The following C1QTNF7 variants were observed in gnomAD, a reference collection of about 807,000 sequenced individuals.
C1QTNF7 encodes C1q and TNF related 7.
Under a neutral mutation model 19.6 loss-of-function variants are expected in C1QTNF7, and 15 were observed. The observed-to-expected ratio is 0.76, with a 90% CI of 0.51 to 1.18. The LOEUF (loss-of-function observed/expected upper bound fraction) is 1.18. C1QTNF7 is among the 50% of genes most tolerant of loss of function. C1QTNF7 has a pLI of 0.00. For missense variants in C1QTNF7, 324 were observed against 359.7 expected, an observed-to-expected ratio of 0.90 and a Z score of 0.80; for synonymous variants, 142 against 137.5, an observed-to-expected ratio of 1.03 and a Z score of -0.23.
intron 1 of C1QTNF7, among the ~76,000 whole-genome samples, chr4:15,385,220 AACAG>A (rs1718288952): frequency 6.6e-6 from 1 of 152,220 alleles, no homozygotes; most frequent in Non-Finnish European, 1.5e-5. Flanking sequence ...CTGTGATCAA[AACAG>A]ACAAAGTCCC....
Position 15,442,190 on chromosome 4 carries a change from G to T in C1QTNF7, c.261G>T (p.Pro87=), listed in dbSNP as rs144010767. 1 of 1,611,258 alleles carries T rather than the reference G, an allele frequency of 6.2e-7. No homozygotes were observed. Among genetic ancestry groups the T allele is most frequent in the African/African-American group, 1.3e-5 (1 of 74,610 alleles). Residue 87 remains proline (P), a synonymous_variant, in exon 3 of 3, where the codon CCG becomes CCT. Coordinates refer to ENST00000444304, the MANE Select transcript of C1QTNF7 (RefSeq NM_031911.5). ...GTAGLRGKTG[P]LGLAGEKGDQ... ...AAGGTTTGAGAGGTAAGACTGGACC[G>T]CTAGGTCTTGCCGGTGAGAAAGGGG...
At chr4:15,410,767 T>A (rs1021440449) in intron 1 of C1QTNF7, among the ~76,000 whole-genome samples, 4 of 152,218 alleles carry the variant, frequency 2.6e-5, no homozygotes, top group Non-Finnish European at 4.4e-5. Flanking sequence ...GGATTTCACG[T>A]GAATATGCTT....
At chr4:15,426,060 C>T (rs16891938), upstream of C1QTNF7, among the ~76,000 whole-genome samples, 11,389 of 152,078 alleles carry the variant, frequency 0.075, 1,383 homozygotes, top group African/African-American at 0.26. Context: ...GCTAGGTTAG[C>T]GGCAAACTGT....
chr4:15,359,695 C>T (rs1035603568), intron 1 of C1QTNF7, among the ~76,000 whole-genome samples: 3 of 152,068 alleles, frequency 2.0e-5, no homozygotes, highest in Non-Finnish European at 2.9e-5. Flanking sequence ...TTAGCATTGA[C>T]GGGACCTTAG....
chr4:15,404,392 C>T (rs921957058), intron 1 of C1QTNF7, among the ~76,000 whole-genome samples: 3 of 152,180 alleles, frequency 2.0e-5, no homozygotes, highest in Admixed American at 1.3e-4. Context: ...TCACTTAATC[C>T]TTCTCAGTCC....
chr4:15,397,716 T>C (rs11943223), intron 1 of C1QTNF7, among the ~76,000 whole-genome samples: 54,491 of 152,074 alleles, frequency 0.36, 10,049 homozygotes, highest in East Asian at 0.55. Flanking sequence ...CACTTATGAA[T>C]GTGCTTTCTG....
intron 1 of C1QTNF7, among the ~76,000 whole-genome samples, chr4:15,415,641 G>C (rs1235239068): frequency 8.1e-6 from 1 of 124,184 alleles, no homozygotes; most frequent in African/African-American, 3.0e-5. Context: ...ATATATATTA[G>C]AGATGGGTTC....
intron 1 of C1QTNF7, among the ~76,000 whole-genome samples, chr4:15,350,293 GGAAGGAAA>G (rs1389089742): frequency 1.2e-4 from 1 of 8,270 alleles, no homozygotes; most frequent in Non-Finnish European, 3.3e-4. Context: ...AAGGGAAGAA[GGAAGGAAA>G]GGAGGGAAGG....
intron 2 of C1QTNF7, among the ~76,000 whole-genome samples, chr4:15,437,618 G>A (rs544492752): frequency 6.6e-6 from 1 of 152,222 alleles, no homozygotes; most frequent in South Asian, 2.1e-4. Context: ...AACCATATAT[G>A]AGGCTAACTA....
At chr4:15,422,483 C>T (rs913088769) in intron 1 of C1QTNF7, among the ~76,000 whole-genome samples, 2 of 152,192 alleles carry the variant, frequency 1.3e-5, no homozygotes, top group Admixed American at 6.5e-5. Flanking sequence ...TCTACCCTAA[C>T]CTAACATTAT....
chr4:15,439,817 T>A (rs553611891), intron 2 of C1QTNF7, among the ~76,000 whole-genome samples: 1 of 152,210 alleles, frequency 6.6e-6, no homozygotes, highest in South Asian at 2.1e-4. Context: ...TTGAATGATA[T>A]CTTTCGATGG....
At chr4:15,346,156 C>T (rs377195478) in intron 1 of C1QTNF7, among the ~76,000 whole-genome samples, 39 of 152,204 alleles carry the variant, frequency 2.6e-4, no homozygotes, top group Non-Finnish European at 1.5e-4. Flanking sequence ...GATATAGTAA[C>T]GAACCCAAAG....
intron 1 of C1QTNF7, among the ~76,000 whole-genome samples, chr4:15,393,539 A>G (rs2108901556): frequency 6.6e-6 from 1 of 152,222 alleles, no homozygotes; most frequent in South Asian, 2.1e-4. Context: ...ACACCCAAAG[A>G]TCTTTATTCT....
At chr4:15,365,220 G>A (rs1249902429) in intron 1 of C1QTNF7, among the ~76,000 whole-genome samples, 2 of 152,022 alleles carry the variant, frequency 1.3e-5, no homozygotes, top group African/African-American at 2.4e-5. Context: ...CAAATAGCAA[G>A]GGAAAGCTCT....
intron 1 of C1QTNF7, among the ~76,000 whole-genome samples, chr4:15,421,608 C>G (rs1468746908): frequency 6.6e-6 from 1 of 152,178 alleles, no homozygotes; most frequent in Non-Finnish European, 1.5e-5. Flanking sequence ...TCTCCTCATC[C>G]TAAACCGAGA....
intron 1 of C1QTNF7, among the ~76,000 whole-genome samples, chr4:15,392,211 G>A (rs1861047): frequency 0.48 from 72,168 of 151,924 alleles, 18,655 homozygotes; most frequent in African/African-American, 0.68. Context: ...ATTCATCCAG[G>A]TATCGAGAAA....
intron 1 of C1QTNF7, among the ~76,000 whole-genome samples, chr4:15,340,634 T>G (rs1716505848): frequency 6.6e-6 from 1 of 152,206 alleles, no homozygotes; most frequent in Non-Finnish European, 1.5e-5. Flanking sequence ...CAAGGAAGAT[T>G]TTAATATCTT....
chr4:15,382,441 G>A (rs914612293), intron 1 of C1QTNF7, among the ~76,000 whole-genome samples: 6 of 151,450 alleles, frequency 4.0e-5, no homozygotes, highest in South Asian at 2.1e-4. Context: ...ATTCAAAGCC[G>A]TGGGTTCTTG....
At chr4:15,376,375 A>G (rs4530628) in intron 1 of C1QTNF7, among the ~76,000 whole-genome samples, 72,895 of 152,090 alleles carry the variant, frequency 0.48, 19,063 homozygotes, top group African/African-American at 0.69. Flanking sequence ...TGCCTTGTGC[A>G]CTCGTGGGAG....
Sources: gnomAD v4.1 joint callset for allele counts (sites outside exome capture counted in the v4.1 genomes callset) on GRCh38, gnomAD v4.1.1 for gene constraint, MANE v1.5 for transcripts, NCBI Gene and HGNC (gene_info 2026-07-23, HGNC 2026-07-21) for gene names.